LRRC63: variants seen among roughly 807,000 people sequenced by gnomAD.
LRRC63 encodes the protein leucine-rich repeat-containing protein 63.
A neutral mutation model predicts 49.5 loss-of-function variants in LRRC63; 40 were observed. That is an observed-to-expected ratio of 0.81 (90% CI 0.63 to 1.05). LRRC63 has a LOEUF of 1.05. LRRC63 is among the 50% of genes least tolerant of loss of function. LRRC63 has a pLI of 0.00. For synonymous variants in LRRC63, 191 were observed against 221.1 expected (o/e 0.86, Z 1.21); for missense variants, 636 against 663.1 (o/e 0.96, Z 0.45).
At chr13:46,260,183 C>T (rs2047591424) in intron 7 of LRRC63, among the ~76,000 whole-genome samples, 1 of 152,136 alleles carries the variant, frequency 6.6e-6, no homozygotes, top group South Asian at 2.1e-4. Flanking sequence ...ATAGTGAAAG[C>T]CTGGAACCAA....
chr13:46,219,625 T>A (rs1402792627), intron 2 of LRRC63, among the ~76,000 whole-genome samples: 1 of 152,208 alleles, frequency 6.6e-6, no homozygotes, highest in Non-Finnish European at 1.5e-5. Flanking sequence ...TCATTCTCCA[T>A]CCAGTTTTGT....
intron 5 of LRRC63, among the ~76,000 whole-genome samples, chr13:46,241,104 G>A (rs1212770072): frequency 6.6e-6 from 1 of 151,724 alleles, no homozygotes; most frequent in African/African-American, 2.4e-5. Flanking sequence ...GCTATAGCAT[G>A]GTGCTGGTAC....
intron 2 of LRRC63, among the ~76,000 whole-genome samples, chr13:46,225,475 C>T (rs765691092): frequency 6.6e-5 from 10 of 152,072 alleles, no homozygotes; most frequent in Non-Finnish European, 1.3e-4. Flanking sequence ...GAGACTCTTC[C>T]GCCGGTGGGA....
chr13:46,248,315 A>G (rs1455482366), intron 6 of LRRC63, among the ~76,000 whole-genome samples: 2 of 152,020 alleles, frequency 1.3e-5, no homozygotes, highest in Non-Finnish European at 2.9e-5. Flanking sequence ...CAATCCAATC[A>G]AAAGATACAG....
In LRRC63 at chr13:46,276,849, T is replaced by TAC. The variant is rs2047847889; in HGVS notation, c.*47_*48insCA. The TAC allele has an allele frequency of 7.5e-5, 11 of 145,948 alleles. No individual in the cohort carries two copies. In the Admixed American group the frequency reaches 8.5e-4, roughly 11 times the overall value. 9.0% of individuals were successfully genotyped at this position (145,948 alleles called of 1,614,324 possible). Reference sequence around the variant, plus strand: ...GTGTGTATATATATATATATATATATATTTATATATATATATATTTATATA... The same window carrying TAC: ...GTGTGTATATATATATATATATATATACATTTATATATATATATATTTATATA... On this transcript the variant is annotated 3_prime_UTR_variant, in exon 10 of 10. Transcript: ENST00000595396.
exon 2 of LRRC63, chr13:46,213,055 T>G (rs2046139184): frequency 6.5e-7 from 1 of 1,549,392 alleles, no homozygotes; most frequent in Non-Finnish European, 8.7e-7. Flanking sequence ...CCCCACTGCT[T>G]CTTCGAAGAC....
At chr13:46,260,195 C>T (rs996501729) in intron 7 of LRRC63, among the ~76,000 whole-genome samples, 2 of 152,154 alleles carry the variant, frequency 1.3e-5, no homozygotes, top group Non-Finnish European at 2.9e-5. Context: ...TGGAACCAAA[C>T]TAGGTTGCCA....
chr13:46,227,971 CAG>C lies in LRRC63; in HGVS notation c.550_551del (p.Pro185ArgfsTer33). The C allele has an allele frequency of 6.4e-7, 1 of 1,550,866 alleles. No homozygotes were observed. Among genetic ancestry groups the C allele is most frequent in the East Asian group, 2.4e-5 (1 of 40,928 alleles). ...ATGCACCCTAAGCATCAACCTTTACCAGAGAGTCCAGGCTATACTTATCAGCA... is the reference window on the plus strand; with the variant it reads ...ATGCACCCTAAGCATCAACCTTTACCAGAGTCCAGGCTATACTTATCAGCA... On this transcript the variant is annotated frameshift_variant, in exon 3 of 10. Transcript: ENST00000595396. LOFTEE classifies it high-confidence loss of function.
rs58754744 is a variant in LRRC63 at position 46,213,548 on chromosome 13, G to C, written c.85+429G>C. Among the ~76,000 whole-genome samples, 894 of 152,264 alleles carry C rather than the reference G, an allele frequency of 5.9e-3. 8 individuals carry two copies. Among genetic ancestry groups the C allele is most frequent in the African/African-American group, 0.02 (850 of 41,520 alleles). On this transcript the variant is annotated intron_variant, in intron 2 of 9. Transcript: ENST00000595396. ...TTGAATGTTTGTGCTTTTAGTTAGTGATTTCACTGTGGGCCCCAAGCATAG... is the reference window on the plus strand; with the variant it reads ...TTGAATGTTTGTGCTTTTAGTTAGTCATTTCACTGTGGGCCCCAAGCATAG...
chr13:46,260,888 G>A (rs111412568), intron 7 of LRRC63, among the ~76,000 whole-genome samples: 5,225 of 152,220 alleles, frequency 0.034, 134 homozygotes, highest in Admixed American at 0.066. Context: ...GTAAGAAGTT[G>A]GCGAAAAATT....
At chr13:46,244,840 G>A (rs1468388287) in intron 5 of LRRC63, among the ~76,000 whole-genome samples, 2 of 152,042 alleles carry the variant, frequency 1.3e-5, no homozygotes, top group African/African-American at 2.4e-5. Flanking sequence ...TACCAAAATG[G>A]TAAACTTTAG....
chr13:46,230,395 T>C (rs1466232290), intron 4 of LRRC63, among the ~76,000 whole-genome samples: 1 of 152,142 alleles, frequency 6.6e-6, no homozygotes, highest in East Asian at 1.9e-4. Context: ...CATCACAAGG[T>C]AAAGTCCCAT....
chr13:46,270,521 A>T (rs1259878993), intron 9 of LRRC63: 1 of 805,140 alleles, frequency 1.2e-6, no homozygotes, highest in Non-Finnish European at 2.2e-6. Context: ...TGAGTTACCC[A>T]AATTTGAAGA....
chr13:46,276,852 T>TTTA, exon 10 of LRRC63: 2 of 113,684 alleles, frequency 1.8e-5, no homozygotes, highest in Non-Finnish European at 1.6e-5. Flanking sequence ...ATATATATAT[T>TTTA]TATATATATA....
At chr13:46,227,805 A>G (rs1215898744) in exon 3 of LRRC63, 42 of 1,550,104 alleles carry the variant, frequency 2.7e-5, no homozygotes, top group Non-Finnish European at 3.7e-5. Context: ...ACAAACAAAC[A>G]AAATGGAAAG....
intron 8 of LRRC63, among the ~76,000 whole-genome samples, chr13:46,266,158 A>G (rs1397484568): frequency 1.2e-4 from 18 of 152,234 alleles, no homozygotes. Flanking sequence ...GAAAGGAGAT[A>G]CATGACTGTA....
chr13:46,227,568 T>A, exon 3 of LRRC63: 1 of 1,547,930 alleles, frequency 6.5e-7, no homozygotes, highest in Non-Finnish European at 8.7e-7. Flanking sequence ...TGAAACCACT[T>A]CCATTAAAAT....
chr13:46,266,748 G>A, exon 9 of LRRC63: 1 of 1,543,534 alleles, frequency 6.5e-7, no homozygotes, highest in Non-Finnish European at 8.7e-7. Flanking sequence ...TTGAAAAACT[G>A]ACTGTTGATG....
intron 5 of LRRC63, among the ~76,000 whole-genome samples, chr13:46,238,893 G>A (rs2046978562): frequency 6.6e-6 from 1 of 152,138 alleles, no homozygotes; most frequent in South Asian, 2.1e-4. Flanking sequence ...AATGACTCTT[G>A]GGTAAATCTG....
Sources: gnomAD v4.1 joint callset for allele counts (sites outside exome capture counted in the v4.1 genomes callset) on GRCh38, gnomAD v4.1.1 for gene constraint, MANE v1.5 for transcripts, NCBI Gene and HGNC (gene_info 2026-07-23, HGNC 2026-07-21) for gene names.